EXOC4: variants seen among roughly 807,000 people sequenced by gnomAD.
EXOC4 encodes exocyst complex component 4, also known as SEC8-like 1.
Under a neutral mutation model 107.2 loss-of-function variants are expected in EXOC4, and 71 were observed. The ratio of observed to expected loss-of-function variants is 0.66; its 90% CI spans 0.55 to 0.81. The LOEUF (loss-of-function observed/expected upper bound fraction) is 0.81. EXOC4 is among the 30% of genes least tolerant of loss of function. EXOC4 has a pLI of 0.00. For missense variants in EXOC4, 1,108 were observed against 1,189.6 expected (o/e 0.93, Z 1.01); for synonymous variants, 456 against 441.2 (o/e 1.03, Z -0.42).
chr7:133,762,688 G>A (rs1796057947), intron 10 of EXOC4, among the ~76,000 whole-genome samples: 1 of 152,000 alleles, frequency 6.6e-6, no homozygotes, highest in South Asian at 2.1e-4. Flanking sequence ...ATATTACGTA[G>A]TGTTATATAA....
At chr7:133,360,468 A>G (rs555776345) in intron 6 of EXOC4, among the ~76,000 whole-genome samples, 1 of 152,346 alleles carries the variant, frequency 6.6e-6, no homozygotes, top group East Asian at 1.9e-4. Flanking sequence ...TAGAGAGTGC[A>G]GAAGGCGTTG....
chr7:133,958,807 GT>G lies in EXOC4; in HGVS notation c.2206+20741del, dbSNP rs1388113756. Among the ~76,000 whole-genome samples the G allele has an allele frequency of 2.6e-5, 4 of 152,254 alleles. No individual in the cohort carries two copies. In the East Asian group the frequency reaches 7.7e-4, roughly 29 times the overall value. On this transcript the variant is annotated intron_variant, in intron 14 of 17. Transcript: ENST00000253861. ...ATTGCAGCTGAGCACTGGAGTTTTA[GT>G]TTCTGAAAATGGTAAAATAGAGATT...
At position 133,767,757 on chromosome 7, in the gene EXOC4, A is replaced by G. The variant is rs552632572; in HGVS notation, c.1515-49568A>G. Among the ~76,000 whole-genome samples, 22 of 152,050 alleles carry G rather than the reference A, an allele frequency of 1.4e-4. No homozygotes were observed. The South Asian group carries it at 2.9e-3, about 20-fold the overall frequency. ...AAATCAGATAGTTCTGAGGTATATA[A>G]TTTAAAAGCTACTGAACCATTATTT... On this transcript the variant is annotated intron_variant, in intron 10 of 17. Coordinates refer to ENST00000253861, the MANE Select transcript of EXOC4 (RefSeq NM_021807.4).
At chr7:133,484,626 G>A (rs1034935503) in intron 9 of EXOC4, among the ~76,000 whole-genome samples, 2 of 152,052 alleles carry the variant, frequency 1.3e-5, no homozygotes, top group Admixed American at 1.3e-4. Context: ...TTCTGCCTCA[G>A]ATTTCTCATA....
At chr7:133,405,375 A>C (rs889495906) in intron 7 of EXOC4, among the ~76,000 whole-genome samples, 1 of 152,184 alleles carries the variant, frequency 6.6e-6, no homozygotes, top group Non-Finnish European at 1.5e-5. Context: ...ATGTTGTAGA[A>C]ATTGTAAAAC....
At chr7:133,918,231 C>T (rs768400438) in intron 13 of EXOC4, among the ~76,000 whole-genome samples, 15 of 152,104 alleles carry the variant, frequency 9.9e-5, no homozygotes, top group Admixed American at 4.6e-4. Flanking sequence ...CCACCTGCCT[C>T]GGCCTCCCAA....
intron 7 of EXOC4, among the ~76,000 whole-genome samples, chr7:133,375,977 T>C (rs1796481818): frequency 6.6e-6 from 1 of 152,220 alleles, no homozygotes. Flanking sequence ...AGTTAGATAG[T>C]TTCTGCTAAT....
At chr7:134,092,805 C>T in the EXOC4 span, among the ~76,000 whole-genome samples, 1 of 151,620 alleles carries the variant, frequency 6.6e-6, no homozygotes, top group Non-Finnish European at 1.5e-5. Context: ...AGCCTGTAAT[C>T]CCAGCTACTT....
At chr7:134,077,727 G>A in the EXOC4 span, among the ~76,000 whole-genome samples, 2 of 152,216 alleles carry the variant, frequency 1.3e-5, no homozygotes, top group African/African-American at 2.4e-5. Flanking sequence ...GCACATGACT[G>A]TTGCCAAGCA....
intron 12 of EXOC4, among the ~76,000 whole-genome samples, chr7:133,903,437 A>G (rs1208492432): frequency 6.6e-6 from 1 of 152,124 alleles, no homozygotes; most frequent in Non-Finnish European, 1.5e-5. Flanking sequence ...AACTGGGTGA[A>G]CTCTGAATGT....
intron 10 of EXOC4, among the ~76,000 whole-genome samples, chr7:133,790,990 C>T (rs562516857): frequency 7.9e-4 from 121 of 152,244 alleles, no homozygotes; most frequent in African/African-American, 2.7e-3. Context: ...TAGTTGTAGA[C>T]GTAATTAGGT....
chr7:133,856,941 A>C (rs1014745724), intron 11 of EXOC4, among the ~76,000 whole-genome samples: 5 of 150,538 alleles, frequency 3.3e-5, no homozygotes, highest in Admixed American at 2.0e-4. Context: ...TCTACTAAAA[A>C]TACAAAAAAA....
chr7:133,577,921 G>A (rs986937132), intron 9 of EXOC4, among the ~76,000 whole-genome samples: 1 of 152,106 alleles, frequency 6.6e-6, no homozygotes, highest in Non-Finnish European at 1.5e-5. Context: ...GGACATTATT[G>A]TGTAATGAAA....
chr7:133,779,112 G>GT (rs1485349573), intron 10 of EXOC4, among the ~76,000 whole-genome samples: 2 of 152,204 alleles, frequency 1.3e-5, no homozygotes, highest in Non-Finnish European at 2.9e-5. Context: ...ACATCAGTGA[G>GT]TACCTTGGTT....
chr7:133,451,221 CT>C (rs34580866), intron 7 of EXOC4, among the ~76,000 whole-genome samples: 68,950 of 147,276 alleles, frequency 0.47, 16,238 homozygotes, highest in East Asian at 0.6. Context: ...CATTGTGAAG[CT>C]TTTTTTTTTT....
intron 10 of EXOC4, among the ~76,000 whole-genome samples, chr7:133,709,907 A>G (rs537520213): frequency 6.6e-6 from 1 of 152,226 alleles, no homozygotes; most frequent in East Asian, 1.9e-4. Flanking sequence ...CTAGACTGCT[A>G]TTACTGTGAT....
Position 133,679,530 on chromosome 7 carries a change from A to G in EXOC4, c.1514+49389A>G, listed in dbSNP as rs543514049. ...AGGAGCTCTTGCTACTGCCCCATCC[A>G]TCCGTCCGTCCGTCCATCCATCCAT... On this transcript the variant is annotated intron_variant, in intron 10 of 17. Coordinates refer to ENST00000253861, the MANE Select transcript of EXOC4 (RefSeq NM_021807.4). Among the ~76,000 whole-genome samples, 111 of 147,800 alleles carry G rather than the reference A, an allele frequency of 7.5e-4. 1 individual carries two copies. Among genetic ancestry groups the G allele is most frequent in the East Asian group, 2.6e-3 (13 of 4,916 alleles).
Position 133,454,880 on chromosome 7 carries a change from C to G in EXOC4, c.1183-20448C>G, listed in dbSNP as rs13438436. On this transcript the variant is annotated intron_variant, in intron 7 of 17. Transcript: ENST00000253861. ...TTGGGATGCCGAGGCAGGTGGATCACTTGAGCTCTGGAGTTCAAGACAAGC... is the reference window on the plus strand; with the variant it reads ...TTGGGATGCCGAGGCAGGTGGATCAGTTGAGCTCTGGAGTTCAAGACAAGC... Among the ~76,000 whole-genome samples the G allele has an allele frequency of 1.5e-3, 221 of 152,202 alleles. 2 individuals carry two copies. Among genetic ancestry groups the G allele is most frequent in the African/African-American group, 5.0e-3 (206 of 41,536 alleles).
chr7:133,720,669 A>G (rs1795088762), intron 10 of EXOC4, among the ~76,000 whole-genome samples: 1 of 152,198 alleles, frequency 6.6e-6, no homozygotes, highest in Non-Finnish European at 1.5e-5. Context: ...GAGTCAGGAC[A>G]ATATCTTGCT....
Sources: gnomAD v4.1 joint callset for allele counts (sites outside exome capture counted in the v4.1 genomes callset) on GRCh38, gnomAD v4.1.1 for gene constraint, MANE v1.5 for transcripts, NCBI Gene and HGNC (gene_info 2026-07-23, HGNC 2026-07-21) for gene names.